Variants in NEK6 observed in about 807,000 individuals in gnomAD.
NEK6 encodes NIMA related kinase 6.
In NEK6, 27 loss-of-function variants were observed where a neutral mutation model predicts 43.5. The observed-to-expected ratio is 0.62, with a 90% confidence interval of 0.46 to 0.86. The LOEUF is 0.86. Ranked by LOEUF, NEK6 falls within the 40% of genes least tolerant of loss-of-function variation. The pLI is 0.00. For missense variants in NEK6, 318 were observed against 414.4 expected, an observed-to-expected ratio of 0.77 and a Z score of 2.02; for synonymous variants, 167 against 164.1, an observed-to-expected ratio of 1.02 and a Z score of -0.14.
At chr9:124,258,153 G>A (rs1487603329) in intron 1 of NEK6, 68 bp downstream of exon 1, 14 of 976,994 alleles carry the variant, frequency 1.4e-5, no homozygotes, top group Non-Finnish European at 1.7e-5. Flanking sequence ...GGGGCCGGGC[G>A]GCGGGGCCGT....
intron 1 of NEK6, among the ~76,000 whole-genome samples, chr9:124,282,662 A>C (rs905704502): frequency 2.6e-5 from 4 of 151,420 alleles, no homozygotes; most frequent in African/African-American, 9.6e-5. Flanking sequence ...ACTCAGGGGC[A>C]CGGGAGGGCC....
At chr9:124,333,093 CCGA>C (rs763712384) in intron 7 of NEK6, among the ~76,000 whole-genome samples, 114 of 152,020 alleles carry the variant, frequency 7.5e-4, no homozygotes, top group Non-Finnish European at 1.3e-3. Context: ...GCCAGCTTCC[CCGA>C]CGACTCCTCA....
intron 5 of NEK6, among the ~76,000 whole-genome samples, chr9:124,322,291 C>T (rs1241481701): frequency 1.3e-5 from 2 of 152,068 alleles, no homozygotes; most frequent in Admixed American, 6.5e-5. Flanking sequence ...GCAGGCTCAG[C>T]GCCAGGACTG....
At chr9:124,294,316 G>T (rs2119076046) in intron 1 of NEK6, among the ~76,000 whole-genome samples, 1 of 152,286 alleles carries the variant, frequency 6.6e-6, no homozygotes, top group East Asian at 1.9e-4. Flanking sequence ...GGGCGTGGTA[G>T]TCCTTCCAGC....
intron 7 of NEK6, among the ~76,000 whole-genome samples, chr9:124,330,954 G>A (rs1157757178): frequency 1.3e-5 from 2 of 152,192 alleles, no homozygotes; most frequent in Non-Finnish European, 2.9e-5. Context: ...AGAAAAAAGA[G>A]TTCAAAAAAC....
intron 2 of NEK6, 34 bp from the exon 3 acceptor site, chr9:124,312,475 G>A: frequency 6.2e-7 from 1 of 1,601,460 alleles, no homozygotes; most frequent in East Asian, 2.2e-5. Context: ...CTGCAGCCTG[G>A]CTGCTCACGG....
intron 1 of NEK6, among the ~76,000 whole-genome samples, chr9:124,276,924 A>G (rs1297498411): frequency 6.6e-6 from 1 of 152,184 alleles, no homozygotes; most frequent in Non-Finnish European, 1.5e-5. Flanking sequence ...TGATGGGTCA[A>G]GGGGTCTTAG....
intron 1 of NEK6, among the ~76,000 whole-genome samples, chr9:124,278,460 G>A (rs1453374101): frequency 6.6e-6 from 1 of 152,164 alleles, no homozygotes; most frequent in African/African-American, 2.4e-5. Flanking sequence ...CGTTTTCCGT[G>A]GAGGAGAAGT....
At chr9:124,334,587 G>T (rs746098602) in intron 7 of NEK6, among the ~76,000 whole-genome samples, 7 of 152,218 alleles carry the variant, frequency 4.6e-5, no homozygotes, top group Non-Finnish European at 8.8e-5. Context: ...TGGAGCTCCA[G>T]CAGAGGGAGG....
At chr9:124,314,200 C>CG (rs1402366147) in intron 4 of NEK6, among the ~76,000 whole-genome samples, 1 of 152,102 alleles carries the variant, frequency 6.6e-6, no homozygotes, top group Non-Finnish European at 1.5e-5. Flanking sequence ...CCCTTGGGGT[C>CG]GCTGCCTACA....
Position 124,324,493 on chromosome 9 carries a change from G to A in NEK6, c.406-1837G>A, listed in dbSNP as rs921943185. Among the ~76,000 whole-genome samples, 5 of 152,154 alleles carry A rather than the reference G, an allele frequency of 3.3e-5. No homozygotes were observed. Among genetic ancestry groups the A allele is most frequent in the Admixed American group, 6.5e-5 (1 of 15,276 alleles). The stretch of plus-strand genomic sequence containing the variant: ...CCCACCAGAGACTCTGCGCCTCCCC[G>A]CTAAATGTCAGACAGCGCTTATAGG... On this transcript the variant is annotated intron_variant, in intron 5 of 9. Transcript: ENST00000320246. This position sits in a 1 kb window ranked among gnomAD's most constrained non-coding sequence, Gnocchi z 5.3.
At chr9:124,283,816 G>C (rs111234543) in intron 1 of NEK6, among the ~76,000 whole-genome samples, 2,017 of 152,326 alleles carry the variant, frequency 0.013, 43 homozygotes, top group African/African-American at 0.047. Context: ...AAAATCCCAT[G>C]CCCCAGGTAG....
At chr9:124,271,738 G>GCTGCAT (rs1831445311) in intron 1 of NEK6, among the ~76,000 whole-genome samples, 1 of 152,252 alleles carries the variant, frequency 6.6e-6, no homozygotes, top group African/African-American at 2.4e-5. Flanking sequence ...CCCACCGTCT[G>GCTGCAT]CTGCATCTGC....
chr9:124,328,457 A>AC (rs913039894), intron 7 of NEK6, among the ~76,000 whole-genome samples: 21 of 151,888 alleles, frequency 1.4e-4, no homozygotes, highest in Non-Finnish European at 2.8e-4. Context: ...CCCCAGGCCC[A>AC]CCCCCTGTGT....
chr9:124,262,732 G>A (rs1831082946), intron 1 of NEK6: 1 of 152,202 alleles, frequency 6.6e-6, no homozygotes, highest in Non-Finnish European at 1.5e-5. Flanking sequence ...TCTGCACGGA[G>A]CCGTTCTTTC....
intron 1 of NEK6, among the ~76,000 whole-genome samples, chr9:124,295,292 G>C (rs766968952): frequency 6.6e-6 from 1 of 152,212 alleles, no homozygotes; most frequent in Non-Finnish European, 1.5e-5. Flanking sequence ...GGACCCGGCC[G>C]GAAACCAGAC....
intron 1 of NEK6, among the ~76,000 whole-genome samples, chr9:124,262,299 A>G (rs771110082): frequency 3.3e-5 from 5 of 152,238 alleles, no homozygotes; most frequent in Non-Finnish European, 5.9e-5. Context: ...AAGCTGAACT[A>G]AACCAATGGC....
At chr9:124,323,798 C>T (rs1051358429) in intron 5 of NEK6, among the ~76,000 whole-genome samples, 5 of 152,168 alleles carry the variant, frequency 3.3e-5, no homozygotes, top group Admixed American at 2.6e-4. Context: ...TGGGGGCATT[C>T]TATCCAGCAT....
rs187839285 is a variant in NEK6, at chr9:124,287,254, C to T, written c.-29-14682C>T. On this transcript the variant is annotated intron_variant, in intron 1 of 9. Transcript: ENST00000320246. ...GGTCCTCCTGTCCTTTGTGTAGGCT[C>T]ACTTTCAGGTTACCCTGGCACCAGC... Among the ~76,000 whole-genome samples the T allele has an allele frequency of 3.6e-3, 551 of 152,284 alleles. 3 individuals are homozygous for T. The highest frequency in any genetic ancestry group is 0.013 in the African/African-American group (527 of 41,548).
Sources: allele counts gnomAD v4.1 joint callset (sites outside exome capture counted in the v4.1 genomes callset), GRCh38; gene constraint gnomAD v4.1.1; non-coding constraint Gnocchi (gnomAD v3.1); transcripts MANE v1.5; gene names NCBI Gene and HGNC (gene_info 2026-07-23, HGNC 2026-07-21).